NEK3: variants seen among roughly 807,000 people sequenced by gnomAD.
NEK3 encodes the protein NIMA related kinase 3.
NEK3 carries 54 observed loss-of-function variants against 66.0 expected under a neutral mutation model. The ratio of observed to expected loss-of-function variants is 0.82; its 90% CI spans 0.66 to 1.03. The LOEUF is 1.03. Ranked by LOEUF, NEK3 falls within the 50% of genes least tolerant of loss-of-function variation. The probability of loss-of-function intolerance (pLI) is 0.00; values close to 1 mark genes in which losing one functional copy is unlikely to be tolerated. For missense variants in NEK3, 593 were observed against 603.0 expected (o/e 0.98, Z 0.17); for synonymous variants, 200 against 206.2 (o/e 0.97, Z 0.26).
At chr13:52,151,079 G>C in intron 7 of NEK3, 67 bp downstream of exon 7, 1 of 1,221,570 alleles carries the variant, frequency 8.2e-7, no homozygotes, top group South Asian at 1.3e-5. Flanking sequence ...TCAGACTCTA[G>C]CATCATTTGC....
chr13:52,133,615 T>TAACA, intron 15 of NEK3, 74 bp downstream of exon 15: 1 of 1,308,468 alleles, frequency 7.6e-7, no homozygotes, highest in Non-Finnish European at 1.0e-6. Flanking sequence ...CTAATTTAAA[T>TAACA]CACACACACA....
At chr13:52,155,276 G>A (rs151154027) in intron 2 of NEK3, among the ~76,000 whole-genome samples, 165 of 152,262 alleles carry the variant, frequency 1.1e-3, no homozygotes, top group African/African-American at 3.7e-3. Context: ...TTATGACATA[G>A]TCTTCATGTA....
chr13:52,152,482 T>G, intron 5 of NEK3, 127 bp downstream of exon 5: 1 of 516,436 alleles, frequency 1.9e-6, no homozygotes, highest in Non-Finnish European at 3.3e-6. Flanking sequence ...GAAAAGTAAA[T>G]AACAAATATT....
At chr13:52,142,775 T>C (rs1054085971) in intron 10 of NEK3, among the ~76,000 whole-genome samples, 2 of 152,232 alleles carry the variant, frequency 1.3e-5, no homozygotes, top group African/African-American at 4.8e-5. Flanking sequence ...GTGAATGATC[T>C]CCTACACTTC....
intron 7 of NEK3, among the ~76,000 whole-genome samples, chr13:52,149,714 C>CA: frequency 6.6e-6 from 1 of 151,906 alleles, no homozygotes; most frequent in Admixed American, 6.6e-5. Flanking sequence ...CTAAAAAATA[C>CA]AAAAATTAGC....
At position 52,132,890 on chromosome 13, in the gene NEK3, T is replaced by A. The variant is rs1002926873; in HGVS notation, c.*252A>T. 2.5e-6 allele frequency: 1 copy of A among 403,242 alleles called. No individual in the cohort carries two copies. The highest frequency in any genetic ancestry group is 4.5e-6 in the Non-Finnish European group (1 of 222,118). The allele number at this position is 403,242 out of a possible 1,614,324, so 25.0% of individuals were successfully genotyped here. A position where few individuals can be genotyped will look rare whatever the true frequency, so the allele number is the denominator to read the frequency against. On this transcript the variant is annotated 3_prime_UTR_variant, in exon 16 of 16. Coordinates refer to ENST00000610828, the MANE Select transcript of NEK3 (RefSeq NM_002498.3). ...TGGCACGCTAGCATCCCATTTCTGT[T>A]CTATGGGACTGCAAAGCCCGATGCT...
chr13:52,133,887 T>TCCTC (rs1161218516), intron 14 of NEK3, 72 bp from the exon 15 acceptor site: 7 of 1,469,800 alleles, frequency 4.8e-6, no homozygotes, highest in Middle Eastern at 1.8e-4. Flanking sequence ...TTGATTAAAA[T>TCCTC]CCTCCGTAAG....
intron 11 of NEK3, among the ~76,000 whole-genome samples, chr13:52,137,961 A>G (rs1956218285): frequency 6.6e-6 from 1 of 152,228 alleles, no homozygotes; most frequent in East Asian, 1.9e-4. Flanking sequence ...AGGTGGTATC[A>G]AACTATAGCG....
intron 3 of NEK3, 23 bp downstream of exon 3, chr13:52,154,057 T>C: frequency 6.2e-7 from 1 of 1,602,610 alleles, no homozygotes; most frequent in Non-Finnish European, 8.5e-7. Flanking sequence ...GAAATGCACA[T>C]ATCTGGGGGA....
At chr13:52,146,452 C>T (rs1433931831) in intron 8 of NEK3, among the ~76,000 whole-genome samples, 1 of 152,060 alleles carries the variant, frequency 6.6e-6, no homozygotes, top group Non-Finnish European at 1.5e-5. Flanking sequence ...TTCGAGCAGA[C>T]AAGGGATGAC....
chr13:52,157,622 G>C (rs938357079), intron 1 of NEK3: 1 of 152,196 alleles, frequency 6.6e-6, no homozygotes, highest in Non-Finnish European at 1.5e-5. Flanking sequence ...TGGGAGTCAA[G>C]AGAGATGTTA....
intron 11 of NEK3, among the ~76,000 whole-genome samples, chr13:52,139,419 A>C (rs1373246036): frequency 6.6e-6 from 1 of 152,196 alleles, no homozygotes; most frequent in Non-Finnish European, 1.5e-5. Context: ...CAGGGGCTGC[A>C]GTGGTGGAAG....
chr13:52,158,628 A>G (rs1956415429), intron 1 of NEK3, among the ~76,000 whole-genome samples: 1 of 152,218 alleles, frequency 6.6e-6, no homozygotes, highest in Non-Finnish European at 1.5e-5. Context: ...CTGTTACTCA[A>G]TATTACACCC....
chr13:52,159,402 G>C (rs1247750192), intron 1 of NEK3, 141 bp downstream of exon 1: 1 of 152,426 alleles, frequency 6.6e-6, no homozygotes, highest in African/African-American at 2.4e-5. Flanking sequence ...GCGGCGAGTG[G>C]TCCAGACCGC....
chr13:52,137,109 A>C (rs898385764), intron 11 of NEK3, among the ~76,000 whole-genome samples: 5 of 152,076 alleles, frequency 3.3e-5, no homozygotes, highest in Non-Finnish European at 7.4e-5. Flanking sequence ...TTAACCAAAA[A>C]CCTACATACA....
Position 52,133,564 on chromosome 13 carries a change from GTAATA to G in NEK3, c.1436+120_1436+124del. ...TATAAATATCCATTTATGATGAAAA[GTAATA>G]TAAGAGGTCCCTACTAAATCTGAAA... On this transcript the variant is annotated intron_variant, in intron 15 of 15. Coordinates refer to ENST00000610828, the MANE Select transcript of NEK3 (RefSeq NM_002498.3). 4.0e-6 allele frequency: 5 copies of G among 1,254,004 alleles called. No individual in the cohort carries two copies. The South Asian group carries it at 8.1e-5, about 20-fold the overall frequency. 77.7% of individuals were successfully genotyped at this position (1,254,004 alleles called of 1,614,324 possible). A position where few individuals can be genotyped will look rare whatever the true frequency, so the allele number is the denominator to read the frequency against.
intron 10 of NEK3, 37 bp downstream of exon 10, chr13:52,143,878 G>C: frequency 9.8e-7 from 1 of 1,022,348 alleles, no homozygotes; most frequent in Non-Finnish European, 1.5e-6. Context: ...ATTTTTAAAA[G>C]AGCACTTAAC....
At chr13:52,141,790 A>G (rs1315742943) in intron 10 of NEK3, among the ~76,000 whole-genome samples, 2 of 151,922 alleles carry the variant, frequency 1.3e-5, no homozygotes, top group East Asian at 3.9e-4. Flanking sequence ...GTAACACTAT[A>G]CTTTTTTGGC....
chr13:52,141,236 A>C (rs913507554), intron 10 of NEK3, among the ~76,000 whole-genome samples, 167 bp from the exon 11 acceptor site: 1 of 152,258 alleles, frequency 6.6e-6, no homozygotes, highest in African/African-American at 2.4e-5. Flanking sequence ...TAATCACCTA[A>C]TAATACATCT....
Sources: allele counts gnomAD v4.1 joint callset (sites outside exome capture counted in the v4.1 genomes callset), GRCh38; gene constraint gnomAD v4.1.1; transcripts MANE v1.5; gene names NCBI Gene and HGNC (gene_info 2026-07-23, HGNC 2026-07-21).